KNTC1: variants seen among roughly 807,000 people sequenced by gnomAD.
KNTC1 encodes the protein kinetochore-associated protein 1.
In KNTC1, 253 loss-of-function variants were observed where a neutral mutation model predicts 314.4. That is an observed-to-expected ratio of 0.80 (90% CI 0.73 to 0.89). KNTC1 has a LOEUF of 0.89. Ranked by LOEUF, KNTC1 falls within the 40% of genes least tolerant of loss-of-function variation. The probability of loss-of-function intolerance (pLI) is 0.00; values close to 1 mark genes in which losing one functional copy is unlikely to be tolerated. For synonymous variants in KNTC1, 901 were observed against 901.4 expected (o/e 1.00, Z 0.01); for missense variants, 2,475 against 2,572.9 (o/e 0.96, Z 0.82).
At chr12:122,619,037 T>C (rs1461107129) in intron 59 of KNTC1, among the ~76,000 whole-genome samples, 1 of 148,878 alleles carries the variant, frequency 6.7e-6, no homozygotes, top group Non-Finnish European at 1.5e-5. Context: ...TTTTGTTTTT[T>C]GTTTTTTGTT....
chr12:122,529,126 G>A (rs74976900), intron 1 of KNTC1, among the ~76,000 whole-genome samples: 2 of 152,066 alleles, frequency 1.3e-5, no homozygotes, highest in South Asian at 2.1e-4. Context: ...TTACAGGTGT[G>A]AGCCACCGCG....
In KNTC1 at chr12:122,621,944, G is replaced by C. The variant is rs748863249; in HGVS notation, c.6343G>C (p.Gly2115Arg). The change falls in exon 61 of 64, where the codon GGC (glycine) becomes CGC (arginine). Residue 2115 changes from glycine to arginine, a missense_variant. Physicochemically the swap from Gly to Arg is moderately radical, Grantham distance 125. Coordinates refer to ENST00000333479, the MANE Select transcript of KNTC1 (RefSeq NM_014708.6). ...GCAATTGGAAGAGCATATGAACACGGGCCAGCTAGCAGGATTTTCACATCA... is the reference window on the plus strand; with the variant it reads ...GCAATTGGAAGAGCATATGAACACGCGCCAGCTAGCAGGATTTTCACATCA... ...LKQLEEHMNTGQLAGFSHQIR... is the reference protein window; with the variant it reads ...LKQLEEHMNTRQLAGFSHQIR... 1 of 1,608,664 alleles carries C rather than the reference G, an allele frequency of 6.2e-7. No individual in the cohort carries two copies. Among genetic ancestry groups the C allele is most frequent in the South Asian group, 1.1e-5 (1 of 89,756 alleles).
At chr12:122,558,179 G>C (rs974524421) in intron 18 of KNTC1, among the ~76,000 whole-genome samples, 1 of 152,214 alleles carries the variant, frequency 6.6e-6, no homozygotes, top group Non-Finnish European at 1.5e-5. Context: ...GAATCCGGGA[G>C]GCAGAGGTTG....
At chr12:122,559,304 C>G (rs575674610) in intron 18 of KNTC1, among the ~76,000 whole-genome samples, 2 of 151,868 alleles carry the variant, frequency 1.3e-5, no homozygotes, top group Non-Finnish European at 2.9e-5. Flanking sequence ...GCTGAGATCG[C>G]GCTTCCAGCC....
intron 57 of KNTC1, among the ~76,000 whole-genome samples, chr12:122,616,264 TC>T (rs1382275921): frequency 2.0e-5 from 3 of 151,548 alleles, no homozygotes; most frequent in Non-Finnish European, 4.4e-5. Context: ...TCTAGAGATT[TC>T]CTTTTTTTTT....
chr12:122,527,827 A>C (rs753491277), intron 1 of KNTC1: 1 of 152,190 alleles, frequency 6.6e-6, no homozygotes, highest in African/African-American at 2.4e-5. Context: ...AGTTTTGCGT[A>C]CTTCTTGTTA....
chr12:122,564,723 C>T (rs1480585586), intron 20 of KNTC1, among the ~76,000 whole-genome samples: 3 of 152,190 alleles, frequency 2.0e-5, no homozygotes, highest in Admixed American at 6.5e-5. Flanking sequence ...CTGCCTGCCT[C>T]GGCCTCCCAA....
Position 122,604,551 on chromosome 12 carries a change from T to G in KNTC1, c.5102-13T>G, listed in dbSNP as rs577322417. 2 of 1,267,368 alleles carry G rather than the reference T, an allele frequency of 1.6e-6. No individual in the cohort carries two copies. The highest frequency in any genetic ancestry group is 2.4e-5 in the East Asian group (1 of 41,276). 78.5% of individuals were successfully genotyped at this position (1,267,368 alleles called of 1,614,324 possible). A position where few individuals can be genotyped will look rare whatever the true frequency, so the allele number is the denominator to read the frequency against. ...TGTAAATCTTTATTTATTTATTTAT[T>G]TATTTATTTTAGGTTCCTTCAAGAT... is the stretch of plus-strand genomic sequence containing the variant. On this transcript the variant is annotated splice_polypyrimidine_tract_variant and intron_variant, in intron 48 of 63. Coordinates refer to ENST00000333479, the MANE Select transcript of KNTC1 (RefSeq NM_014708.6).
At chr12:122,590,244 T>G (rs1161365112) in intron 40 of KNTC1, among the ~76,000 whole-genome samples, 2 of 152,138 alleles carry the variant, frequency 1.3e-5, no homozygotes, top group Admixed American at 6.5e-5. Context: ...TATATATTTT[T>G]TGTATTTAGG....
chr12:122,566,163 G>A (rs779405890), intron 20 of KNTC1, among the ~76,000 whole-genome samples: 10 of 151,314 alleles, frequency 6.6e-5, no homozygotes, highest in Non-Finnish European at 1.3e-4. Context: ...GGCTGGCCTC[G>A]AACTCCTGAC....
chr12:122,596,506 G>A (rs1160793785), intron 43 of KNTC1, among the ~76,000 whole-genome samples: 7 of 151,486 alleles, frequency 4.6e-5, no homozygotes, highest in Non-Finnish European at 7.4e-5. Flanking sequence ...CGTGAATCAC[G>A]TGCCCAGCCT....
In KNTC1 at chr12:122,584,261, C is replaced by T; in HGVS notation, c.3264-17C>T. 6.3e-7 allele frequency: 1 copy of T among 1,589,498 alleles called. No individual in the cohort carries two copies. Among genetic ancestry groups the T allele is most frequent in the Admixed American group, 1.7e-5 (1 of 58,534 alleles). ...AATGTGAGTATTCTAACTACCAATA[C>T]TTTCTTTCTTCCAAAGCGACTTGTT... On this transcript the variant is annotated splice_polypyrimidine_tract_variant and intron_variant, in intron 34 of 63. Transcript: ENST00000333479.
At chr12:122,613,323 T>G in intron 54 of KNTC1, 93 bp downstream of exon 54, 1 of 849,396 alleles carries the variant, frequency 1.2e-6, no homozygotes, top group East Asian at 2.4e-5. Context: ...AAGAGCATAG[T>G]AGAGTAGCTG....
At chr12:122,583,222 C>G (rs536631796) in intron 34 of KNTC1, among the ~76,000 whole-genome samples, 1 of 149,188 alleles carries the variant, frequency 6.7e-6, no homozygotes, top group Non-Finnish European at 1.5e-5. Context: ...GAGGCAGGAT[C>G]GTGGCGGGTT....
At position 122,613,711 on chromosome 12, in the gene KNTC1, A is replaced by G. The variant is rs1593683160; in HGVS notation, c.5827A>G (p.Lys1943Glu). Residue 1943 changes from lysine (K) to glutamate (E), a missense_variant, in exon 55 of 64, where the codon AAA (lysine) becomes GAA (glutamate). Physicochemically the swap from Lys to Glu is moderately conservative, Grantham distance 56 (BLOSUM62 1). Transcript: ENST00000333479. ...ITYELFCSSP[K>E]EGMIKGLWKN... ...ATATGAATTATTTTGCAGCAGTCCTAAAGAAGGAATGATTAAGGGTCTGTG... is the reference window on the plus strand; with the variant it reads ...ATATGAATTATTTTGCAGCAGTCCTGAAGAAGGAATGATTAAGGGTCTGTG... 2 of 1,613,308 alleles carry G rather than the reference A, an allele frequency of 1.2e-6. No individual in the cohort carries two copies. The highest frequency in any genetic ancestry group is 1.7e-4 in the Middle Eastern group (1 of 6,060).
intron 18 of KNTC1, among the ~76,000 whole-genome samples, chr12:122,560,715 T>C (rs142200787): frequency 1.3e-5 from 2 of 152,220 alleles, no homozygotes; most frequent in Admixed American, 6.6e-5. Flanking sequence ...ATGTTTTCCA[T>C]GGTGACTGTG....
In KNTC1 at chr12:122,583,011, A is replaced by G. The variant is rs746809541; in HGVS notation, c.3263+26A>G. On this transcript the variant is annotated intron_variant, in intron 34 of 63. Transcript: ENST00000333479. The stretch of plus-strand genomic sequence containing the variant: ...GTGACATTCCAGATCCCTGAATTGC[A>G]TAGCTTCTCTGAAATTGCGGCTGGG... The G allele has an allele frequency of 7.0e-6, 11 of 1,577,106 alleles. No homozygotes were observed. In the African/African-American group the frequency reaches 9.5e-5, roughly 14 times the overall value.
In KNTC1 at chr12:122,568,326, A is replaced by C. The variant is rs530543264; in HGVS notation, c.1670A>C (p.Lys557Thr). The change falls in exon 21 of 64, where the codon AAA (lysine) becomes ACA (threonine). Residue 557 changes from lysine (K) to threonine (T), a missense_variant. Coordinates refer to ENST00000333479, the MANE Select transcript of KNTC1 (RefSeq NM_014708.6). ...CTTAAAGATATTTTTTTACAGCTAA[A>C]AGAAGGAAACCTTGTTTGTGCACAG... is the stretch of plus-strand genomic sequence containing the variant. ...DDLKDIFLQL[K>T]EGNLVCAQYL... 4 of 1,603,262 alleles carry C rather than the reference A, an allele frequency of 2.5e-6. No homozygotes were observed. In the South Asian group the frequency reaches 4.4e-5, roughly 18 times the overall value.
chr12:122,532,419 G>C (rs1961430193), intron 2 of KNTC1, among the ~76,000 whole-genome samples: 1 of 151,764 alleles, frequency 6.6e-6, no homozygotes, highest in African/African-American at 2.4e-5. Flanking sequence ...ATGTTGAGCA[G>C]GATGGTCTCG....
Sources: allele counts gnomAD v4.1 joint callset (sites outside exome capture counted in the v4.1 genomes callset), GRCh38; gene constraint gnomAD v4.1.1; transcripts MANE v1.5; gene names NCBI Gene and HGNC (gene_info 2026-07-23, HGNC 2026-07-21).